LCLAT1: variants seen among roughly 807,000 people sequenced by gnomAD.
The protein encoded by LCLAT1 is 1-AGP acyltransferase 8.
A neutral mutation model predicts 30.7 loss-of-function variants in LCLAT1; 11 were observed. That is an observed-to-expected ratio of 0.36 (90% CI 0.23 to 0.59). The LOEUF is 0.59. Ranked by LOEUF, LCLAT1 falls within the 20% of genes least tolerant of loss-of-function variation. The pLI is 0.77. For synonymous variants in LCLAT1, 155 were observed against 151.3 expected, an observed-to-expected ratio of 1.02 and a Z score of -0.18; for missense variants, 402 against 458.6, an observed-to-expected ratio of 0.88 and a Z score of 1.13.
Position 30,643,669 on chromosome 2 carries a change from C to T in LCLAT1, c.*3050C>T, listed in dbSNP as rs1273802630. On this transcript the variant is annotated 3_prime_UTR_variant, in exon 6 of 6. Coordinates refer to ENST00000379509, the MANE Select transcript of LCLAT1 (RefSeq NM_001002257.3). The stretch of plus-strand genomic sequence containing the variant: ...AAACTCTAGCCCTGACTATGATGCC[C>T]CTGTGTGCATTTACAATAAAGACTC... 1 of 152,510 alleles carries T rather than the reference C, an allele frequency of 6.6e-6. No homozygotes were observed. Among genetic ancestry groups the T allele is most frequent in the East Asian group, 1.9e-4 (1 of 5,186 alleles). 9.4% of individuals were successfully genotyped at this position (152,510 alleles called of 1,614,324 possible). A position where few individuals can be genotyped will look rare whatever the true frequency, so the allele number is the denominator to read the frequency against.
At chr2:30,537,051 A>G (rs4952142) in intron 3 of LCLAT1, among the ~76,000 whole-genome samples, 19,304 of 152,270 alleles carry the variant, frequency 0.13, 1,361 homozygotes, top group South Asian at 0.23. Flanking sequence ...TGGAAACCAA[A>G]CATGAGCAGG....
rs138345604 is a variant in LCLAT1 at position 30,624,358 on chromosome 2, G to A, written c.629-15759G>A. On this transcript the variant is annotated intron_variant, in intron 5 of 5. Coordinates refer to ENST00000379509, the MANE Select transcript of LCLAT1 (RefSeq NM_001002257.3). ...ATAACAATTCACCAACCAAGTATCCGCTGTCTTCAAGAGACTCACCTAACA... is the reference window on the plus strand; with the variant it reads ...ATAACAATTCACCAACCAAGTATCCACTGTCTTCAAGAGACTCACCTAACA... Among the ~76,000 whole-genome samples, 24 of 152,230 alleles carry A rather than the reference G, an allele frequency of 1.6e-4. 1 individual carries two copies. The East Asian group carries it at 4.1e-3, about 26-fold the overall frequency.
chr2:30,461,962 C>T (rs985680882), intron 1 of LCLAT1, among the ~76,000 whole-genome samples: 10 of 151,282 alleles, frequency 6.6e-5, no homozygotes, highest in African/African-American at 1.9e-4. Context: ...TTAGTAGAGA[C>T]GGGGTTTCAC....
chr2:30,461,856 C>T (rs932957346), intron 1 of LCLAT1, among the ~76,000 whole-genome samples: 28 of 148,222 alleles, frequency 1.9e-4, no homozygotes, highest in Admixed American at 1.6e-3. Flanking sequence ...CTGCAAGCTC[C>T]GCCTCCCGGG....
At chr2:30,595,949 T>C (rs185019429) in intron 5 of LCLAT1, among the ~76,000 whole-genome samples, 12 of 152,338 alleles carry the variant, frequency 7.9e-5, no homozygotes, top group African/African-American at 2.9e-4. Flanking sequence ...GCTGTATCCA[T>C]GTCCCTGCAA....
At chr2:30,503,656 GA>G (rs1198248412) in intron 1 of LCLAT1, among the ~76,000 whole-genome samples, 3 of 152,126 alleles carry the variant, frequency 2.0e-5, no homozygotes, top group African/African-American at 4.8e-5. Flanking sequence ...TGTTTGAGAA[GA>G]AAAAAATGGT....
intron 1 of LCLAT1, among the ~76,000 whole-genome samples, chr2:30,448,870 C>G (rs1681399891): frequency 6.6e-6 from 1 of 152,082 alleles, no homozygotes; most frequent in Non-Finnish European, 1.5e-5. Flanking sequence ...GTGAGTATTT[C>G]TTATTCAAAC....
At chr2:30,496,595 A>G (rs1339431528) in intron 1 of LCLAT1, among the ~76,000 whole-genome samples, 1 of 152,204 alleles carries the variant, frequency 6.6e-6, no homozygotes, top group East Asian at 1.9e-4. Context: ...AGGTTGCCAG[A>G]AAGGTCAAAT....
At chr2:30,457,413 A>G (rs1183100224) in intron 1 of LCLAT1, among the ~76,000 whole-genome samples, 1 of 152,126 alleles carries the variant, frequency 6.6e-6, no homozygotes, top group Non-Finnish European at 1.5e-5. Flanking sequence ...CTTGGTTACT[A>G]CTCTGTAGTC....
At chr2:30,470,980 C>A (rs1243402178) in intron 1 of LCLAT1, among the ~76,000 whole-genome samples, 1 of 144,198 alleles carries the variant, frequency 6.9e-6, no homozygotes, top group Admixed American at 7.2e-5. Flanking sequence ...GTGGTGCGAT[C>A]TTGGCTCACT....
Position 30,546,355 on chromosome 2 carries a change from T to A in LCLAT1, c.364+13041T>A, listed in dbSNP as rs185840629. On this transcript the variant is annotated intron_variant, in intron 3 of 5. Transcript: ENST00000379509. ...GAAATGATTAGAATTTTATTTTACA[T>A]GCTGTTGGTATTTTTACATATGAAT... Among the ~76,000 whole-genome samples, 633 of 152,310 alleles carry A rather than the reference T, an allele frequency of 4.2e-3. 1 individual carries two copies. The highest frequency in any genetic ancestry group is 6.8e-3 in the Non-Finnish European group (462 of 68,014).
chr2:30,612,686 C>T (rs78432253), intron 5 of LCLAT1, among the ~76,000 whole-genome samples: 1 of 152,174 alleles, frequency 6.6e-6, no homozygotes, highest in Non-Finnish European at 1.5e-5. Context: ...TCTGCCTTCT[C>T]TGCTATGGTC....
rs919433285 is a variant in LCLAT1, at chr2:30,640,290, A to G, written c.802A>G (p.Lys268Glu). 6.2e-7 allele frequency: 1 copy of G among 1,614,202 alleles called. No individual in the cohort carries two copies. Among genetic ancestry groups the G allele is most frequent in the African/African-American group, 1.3e-5 (1 of 75,056 alleles). The stretch of plus-strand genomic sequence containing the variant: ...GGAGGACCTTCAACTCTGGTGCCAC[A>G]AACGGTGGGAAGAGAAAGAAGAGAG... Reference protein sequence around the residue: ...SKEDLQLWCHKRWEEKEERLR... With the variant: ...SKEDLQLWCHERWEEKEERLR... Residue 268 changes from lysine to glutamate, a missense_variant, in exon 6 of 6, where the codon AAA becomes GAA. Coordinates refer to ENST00000379509, the MANE Select transcript of LCLAT1 (RefSeq NM_001002257.3).
intron 1 of LCLAT1, among the ~76,000 whole-genome samples, chr2:30,447,678 G>T (rs763144836): frequency 6.6e-6 from 1 of 152,228 alleles, no homozygotes; most frequent in Admixed American, 6.5e-5. Flanking sequence ...AGGTAGCCGC[G>T]GGGCGAAGAG....
chr2:30,482,870 C>G (rs1683386241), intron 1 of LCLAT1, among the ~76,000 whole-genome samples: 1 of 151,996 alleles, frequency 6.6e-6, no homozygotes, highest in Middle Eastern at 3.4e-3. Context: ...AGCACCCTCT[C>G]TGGAGTAAGA....
At chr2:30,519,809 C>T (rs1283433931) in intron 1 of LCLAT1, among the ~76,000 whole-genome samples, 1 of 152,188 alleles carries the variant, frequency 6.6e-6, no homozygotes, top group African/African-American at 2.4e-5. Flanking sequence ...TGGTTTCACT[C>T]TGTTAAATCT....
At chr2:30,530,645 G>A (rs1685936897) in intron 2 of LCLAT1, among the ~76,000 whole-genome samples, 1 of 152,136 alleles carries the variant, frequency 6.6e-6, no homozygotes, top group Non-Finnish European at 1.5e-5. Context: ...TCCTGGACTC[G>A]AGTAATCCTT....
chr2:30,449,426 T>C (rs1447401450), intron 1 of LCLAT1, among the ~76,000 whole-genome samples: 1 of 152,210 alleles, frequency 6.6e-6, no homozygotes, highest in Admixed American at 6.5e-5. Context: ...TTTACTTTGG[T>C]TAAGTGGTAT....
At chr2:30,601,854 A>T (rs1667199876) in intron 5 of LCLAT1, among the ~76,000 whole-genome samples, 6 of 148,942 alleles carry the variant, frequency 4.0e-5, no homozygotes, top group African/African-American at 7.4e-5. Flanking sequence ...ACAACAAAAC[A>T]AGGATCCTAT....
Sources: allele counts gnomAD v4.1 joint callset (sites outside exome capture counted in the v4.1 genomes callset), GRCh38; gene constraint gnomAD v4.1.1; transcripts MANE v1.5; gene names NCBI Gene and HGNC (gene_info 2026-07-23, HGNC 2026-07-21).